Variants in LRRC8C observed in about 807,000 individuals in gnomAD.
LRRC8C encodes the protein leucine rich repeat containing 8 VRAC subunit C, also known as volume-regulated anion channel subunit LRRC8C.
In LRRC8C, 20 loss-of-function variants were observed where a neutral mutation model predicts 55.3. The ratio of observed to expected loss-of-function variants is 0.36; its 90% confidence interval spans 0.25 to 0.53. The LOEUF is 0.53. Ranked by LOEUF, LRRC8C falls within the 20% of genes least tolerant of loss-of-function variation. LRRC8C has a pLI of 0.92. For synonymous variants in LRRC8C, 376 were observed against 360.7 expected (o/e 1.04, Z -0.48); for missense variants, 659 against 951.4 (o/e 0.69, Z 4.04).
chr1:89,704,411 A>G (rs138774921), intron 2 of LRRC8C, among the ~76,000 whole-genome samples: 1 of 152,208 alleles, frequency 6.6e-6, no homozygotes, highest in Non-Finnish European at 1.5e-5. Flanking sequence ...TGGCACTTAG[A>G]ATGAAGTAGA....
intron 2 of LRRC8C, among the ~76,000 whole-genome samples, chr1:89,702,857 C>T (rs781049858): frequency 6.6e-6 from 1 of 152,054 alleles, no homozygotes; most frequent in African/African-American, 2.4e-5. Context: ...TATAAAATAT[C>T]AACAGATAGA....
chr1:89,696,251 C>G lies in LRRC8C; in HGVS notation c.138+9640C>G, dbSNP rs114219779. On this transcript the variant is annotated intron_variant, in intron 2 of 2. Transcript: ENST00000370454. ...TTTAATTAAAGCTAAGGTTCTGGCC[C>G]TAAACCACATTATCAGTTTCCTGGT... Among the ~76,000 whole-genome samples the G allele has an allele frequency of 1.5e-3, 224 of 152,286 alleles. 2 individuals are homozygous for G. The highest frequency in any genetic ancestry group is 5.2e-3 in the African/African-American group (217 of 41,552).
chr1:89,674,707 A>C (rs146467313), intron 1 of LRRC8C, among the ~76,000 whole-genome samples: 60 of 152,346 alleles, frequency 3.9e-4, no homozygotes, highest in African/African-American at 1.4e-3. Flanking sequence ...GATGGAGGGC[A>C]GCCTTCTTGA....
At chr1:89,675,139 C>G (rs1657517207) in intron 1 of LRRC8C, among the ~76,000 whole-genome samples, 1 of 152,074 alleles carries the variant, frequency 6.6e-6, no homozygotes, top group Non-Finnish European at 1.5e-5. Context: ...CTTGTCAGAA[C>G]AGAAAAGACA....
chr1:89,711,916 C>T (rs1658660219), intron 2 of LRRC8C, among the ~76,000 whole-genome samples: 1 of 152,190 alleles, frequency 6.6e-6, no homozygotes, highest in Non-Finnish European at 1.5e-5. Flanking sequence ...TTGATCTATA[C>T]ATACAGTCTA....
chr1:89,662,510 G>A (rs560485606), intron 1 of LRRC8C, among the ~76,000 whole-genome samples: 1 of 152,308 alleles, frequency 6.6e-6, no homozygotes, highest in African/African-American at 2.4e-5. Flanking sequence ...GAAGTGGAGA[G>A]ACTAATCAGG....
intron 1 of LRRC8C, among the ~76,000 whole-genome samples, chr1:89,659,961 G>A (rs1657067831): frequency 6.6e-6 from 1 of 152,178 alleles, no homozygotes; most frequent in Non-Finnish European, 1.5e-5. Context: ...AAGAGAGCAA[G>A]TAGGAAAGTG....
At chr1:89,679,908 A>T (rs1269999851) in intron 1 of LRRC8C, among the ~76,000 whole-genome samples, 1 of 152,200 alleles carries the variant, frequency 6.6e-6, no homozygotes, top group African/African-American at 2.4e-5. Context: ...AATAAGTTTC[A>T]TATTCTTTAG....
upstream of LRRC8C, among the ~76,000 whole-genome samples, chr1:89,630,610 C>T (rs1477296347): frequency 6.6e-6 from 1 of 152,222 alleles, no homozygotes; most frequent in East Asian, 1.9e-4. Flanking sequence ...CCCTCTCCTT[C>T]CTGGAGATGT....
At chr1:89,680,045 ACT>A (rs1657654125) in intron 1 of LRRC8C, among the ~76,000 whole-genome samples, 1 of 151,638 alleles carries the variant, frequency 6.6e-6, no homozygotes, top group South Asian at 2.1e-4. Flanking sequence ...AATAAAATAA[ACT>A]CTATGTTTGT....
chr1:89,652,279 A>G (rs1656811477), intron 1 of LRRC8C, among the ~76,000 whole-genome samples: 3 of 152,178 alleles, frequency 2.0e-5, no homozygotes, highest in Admixed American at 2.0e-4. Context: ...AGGAATTGAG[A>G]TATTGCTGCT....
At chr1:89,633,968 G>T (rs1210553129) in intron 1 of LRRC8C, among the ~76,000 whole-genome samples, 1 of 152,152 alleles carries the variant, frequency 6.6e-6, no homozygotes, top group Non-Finnish European at 1.5e-5. Context: ...TCCCTTTCCA[G>T]CTGGTTCCCA....
intron 2 of LRRC8C, among the ~76,000 whole-genome samples, chr1:89,697,185 T>C (rs773562709): frequency 2.8e-4 from 43 of 152,316 alleles, no homozygotes; most frequent in Non-Finnish European, 5.6e-4. Context: ...TGATATCATC[T>C]CACTTGGGGA....
At chr1:89,673,766 T>A (rs1657481558) in intron 1 of LRRC8C, among the ~76,000 whole-genome samples, 1 of 152,232 alleles carries the variant, frequency 6.6e-6, no homozygotes, top group Non-Finnish European at 1.5e-5. Context: ...ATGGACCTTA[T>A]AGCCTAGGGA....
intron 1 of LRRC8C, among the ~76,000 whole-genome samples, chr1:89,682,312 T>A (rs940515319): frequency 1.3e-5 from 2 of 152,222 alleles, no homozygotes; most frequent in Admixed American, 1.3e-4. Context: ...TAGATAATAC[T>A]TATATTTCTT....
chr1:89,681,604 A>G lies in LRRC8C; in HGVS notation c.-4-4866A>G, dbSNP rs562061121. 6.6e-5 allele frequency among the ~76,000 whole-genome samples: 10 copies of G among 152,326 alleles called. 1 individual carries two copies. Among genetic ancestry groups the G allele is most frequent in the Admixed American group, 6.5e-4 (10 of 15,302 alleles). On this transcript the variant is annotated intron_variant, in intron 1 of 2. Coordinates refer to ENST00000370454, the MANE Select transcript of LRRC8C (RefSeq NM_032270.5). ...AAGGAGGGGCAAAGGCACATCTTAC[A>G]TGGTGGCAGGCAAGAGAGTGTGTGC...
intron 2 of LRRC8C, among the ~76,000 whole-genome samples, chr1:89,696,496 A>C (rs1658175963): frequency 6.6e-6 from 1 of 152,100 alleles, no homozygotes; most frequent in Admixed American, 6.5e-5. Flanking sequence ...GGGAAGAGAG[A>C]AGAGGGAGGA....
At chr1:89,708,525 C>T in intron 2 of LRRC8C, 1 of 151,494 alleles carries the variant, frequency 6.6e-6, no homozygotes, top group East Asian at 1.9e-4. Context: ...CTAATTCTCA[C>T]AGGCTGCTGT....
At chr1:89,617,898 C>T in the LRRC8C span, among the ~76,000 whole-genome samples, 1 of 152,172 alleles carries the variant, frequency 6.6e-6, no homozygotes, top group Non-Finnish European at 1.5e-5. Flanking sequence ...ATACATAGGG[C>T]AAGGTCAGGG....
Sources: gnomAD v4.1 joint callset for allele counts (sites outside exome capture counted in the v4.1 genomes callset) on GRCh38, gnomAD v4.1.1 for gene constraint, MANE v1.5 for transcripts, NCBI Gene and HGNC (gene_info 2026-07-23, HGNC 2026-07-21) for gene names.